PAK1: variants seen among roughly 807,000 people sequenced by gnomAD.
PAK1 encodes the protein p21 (RAC1) activated kinase 1.
Under a neutral mutation model 67.4 loss-of-function variants are expected in PAK1, and 29 were observed. The observed-to-expected ratio is 0.43, with a 90% CI of 0.32 to 0.59. The LOEUF (loss-of-function observed/expected upper bound fraction) is 0.59. Ranked by LOEUF, PAK1 falls within the 20% of genes least tolerant of loss-of-function variation. PAK1 has a pLI of 0.07. For synonymous variants in PAK1, 223 were observed against 237.4 expected (o/e 0.94, Z 0.56); for missense variants, 337 against 670.7 (o/e 0.50, Z 5.50).
rs556336765 is a variant in PAK1 at position 77,323,395 on chromosome 11, T to C, written c.1552-35A>G. ...AGAAAAATAGCAAAAGACACATGACTATTTAACATTCTTCCCCAGTAACCA... is the reference window on the plus strand; with the variant it reads ...AGAAAAATAGCAAAAGACACATGACCATTTAACATTCTTCCCCAGTAACCA... On this transcript the variant is annotated intron_variant, in intron 14 of 14. Coordinates refer to ENST00000356341, the MANE Select transcript of PAK1 (RefSeq NM_002576.5). The C allele has an allele frequency of 6.9e-6, 9 of 1,312,292 alleles. No individual in the cohort carries two copies. The East Asian group carries it at 1.8e-4, about 27-fold the overall frequency. 81.3% of individuals were successfully genotyped at this position (1,312,292 alleles called of 1,614,324 possible). A position where few individuals can be genotyped will look rare whatever the true frequency, so the allele number is the denominator to read the frequency against.
At chr11:77,490,439 C>T in the PAK1 span, among the ~76,000 whole-genome samples, 2 of 147,060 alleles carry the variant, frequency 1.4e-5, no homozygotes, top group Admixed American at 1.3e-4. Context: ...GGCCAGCCGC[C>T]CCGTCTGGGA....
chr11:77,335,586 G>C (rs1236298064), intron 13 of PAK1, among the ~76,000 whole-genome samples: 1 of 152,082 alleles, frequency 6.6e-6, no homozygotes, highest in African/African-American at 2.4e-5. Context: ...CCACCACTCT[G>C]AACTATTACA....
intron 1 of PAK1, among the ~76,000 whole-genome samples, chr11:77,397,694 T>C (rs2137587552): frequency 6.6e-6 from 1 of 152,318 alleles, no homozygotes; most frequent in South Asian, 2.1e-4. Context: ...ACTACCTCTT[T>C]CTACTCTTAT....
chr11:77,439,530 G>C (rs1000730286), intron 1 of PAK1, among the ~76,000 whole-genome samples: 1 of 152,014 alleles, frequency 6.6e-6, no homozygotes, highest in African/African-American at 2.4e-5. Context: ...TGCCCCTAAA[G>C]GGAAATTTCA....
the PAK1 span, among the ~76,000 whole-genome samples, chr11:77,523,266 A>G: frequency 6.6e-6 from 1 of 152,230 alleles, no homozygotes; most frequent in Non-Finnish European, 1.5e-5. Context: ...CTTAAGAGAT[A>G]CATACTAAAA....
At chr11:77,383,433 T>G (rs951857873) in intron 2 of PAK1, among the ~76,000 whole-genome samples, 1 of 150,924 alleles carries the variant, frequency 6.6e-6, no homozygotes, top group Admixed American at 6.6e-5. Flanking sequence ...CAAGCAATTC[T>G]CCCTGCCTCA....
intron 5 of PAK1, among the ~76,000 whole-genome samples, chr11:77,372,980 C>A (rs1948631539): frequency 6.6e-6 from 1 of 152,156 alleles, no homozygotes; most frequent in Non-Finnish European, 1.5e-5. Flanking sequence ...GAGACAGCCC[C>A]TGGCTTCATG....
the PAK1 span, among the ~76,000 whole-genome samples, chr11:77,508,659 CTTTT>C: frequency 7.8e-5 from 9 of 114,754 alleles, no homozygotes; most frequent in Admixed American, 1.9e-4. Flanking sequence ...CATAGAGATT[CTTTT>C]TTTTTTTTTT....
chr11:77,395,633 T>C (rs1480163026), intron 1 of PAK1, among the ~76,000 whole-genome samples: 1 of 152,056 alleles, frequency 6.6e-6, no homozygotes, highest in Non-Finnish European at 1.5e-5. Flanking sequence ...CCAACGTGTT[T>C]CCTGTCAATG....
At chr11:77,478,734 C>A (rs1958085936), upstream of PAK1, among the ~76,000 whole-genome samples, 1 of 150,772 alleles carries the variant, frequency 6.6e-6, no homozygotes, top group African/African-American at 2.4e-5. Flanking sequence ...GAGCTGAGAT[C>A]AGGCCACTGC....
the PAK1 span, among the ~76,000 whole-genome samples, chr11:77,527,549 T>C: frequency 6.6e-6 from 1 of 152,156 alleles, no homozygotes; most frequent in Non-Finnish European, 1.5e-5. Context: ...AGAAGTAACT[T>C]GTCCAAGGTA....
chr11:77,432,768 G>A (rs564698482), intron 1 of PAK1, among the ~76,000 whole-genome samples: 5 of 151,686 alleles, frequency 3.3e-5, no homozygotes, highest in African/African-American at 1.2e-4. Flanking sequence ...AGTTCAACAA[G>A]GTTTCAGGAT....
At chr11:77,327,956 G>A (rs1394081029) in intron 14 of PAK1, among the ~76,000 whole-genome samples, 1 of 152,100 alleles carries the variant, frequency 6.6e-6, no homozygotes. Flanking sequence ...CAAGCAAATG[G>A]AAACCAAAAG....
intron 1 of PAK1, among the ~76,000 whole-genome samples, chr11:77,415,365 C>T (rs1195621784): frequency 6.6e-6 from 1 of 152,172 alleles, no homozygotes; most frequent in Non-Finnish European, 1.5e-5. Flanking sequence ...TAATGACAGG[C>T]ATACATTCTG....
chr11:77,485,750 C>T, the PAK1 span, among the ~76,000 whole-genome samples: 1 of 152,204 alleles, frequency 6.6e-6, no homozygotes, highest in Non-Finnish European at 1.5e-5. Context: ...GCTGGGATTA[C>T]AGGCGTGAGC....
intron 1 of PAK1, among the ~76,000 whole-genome samples, chr11:77,453,353 T>G (rs1228818106): frequency 6.6e-6 from 1 of 151,668 alleles, no homozygotes; most frequent in Non-Finnish European, 1.5e-5. Context: ...AAACTCAGTC[T>G]CAGGAAAAAA....
chr11:77,397,792 CTTTG>C (rs1412576295), intron 1 of PAK1, among the ~76,000 whole-genome samples: 17 of 152,226 alleles, frequency 1.1e-4, no homozygotes, highest in Non-Finnish European at 2.1e-4. Flanking sequence ...CCAAAGGCTT[CTTTG>C]GAAGTCATCC....
At chr11:77,416,782 T>C (rs1954982120) in intron 1 of PAK1, among the ~76,000 whole-genome samples, 1 of 152,062 alleles carries the variant, frequency 6.6e-6, no homozygotes. Flanking sequence ...TGAAACCCCG[T>C]CTCTACTAAA....
At chr11:77,340,530 A>C in intron 11 of PAK1, 116 bp downstream of exon 11, 2 of 712,686 alleles carry the variant, frequency 2.8e-6, no homozygotes, top group Non-Finnish European at 5.2e-6. Flanking sequence ...CAGTGTCAGC[A>C]CTAATTTCTA....
Sources: allele counts gnomAD v4.1 joint callset (sites outside exome capture counted in the v4.1 genomes callset), GRCh38; gene constraint gnomAD v4.1.1; transcripts MANE v1.5; gene names NCBI Gene and HGNC (gene_info 2026-07-23, HGNC 2026-07-21).